The following TMEM132E variants were observed in gnomAD, a reference collection of about 807,000 sequenced individuals.
TMEM132E encodes the protein transmembrane protein 132E.
TMEM132E carries 49 observed loss-of-function variants against 78.5 expected under a neutral mutation model. The ratio of observed to expected loss-of-function variants is 0.62; its 90% CI spans 0.50 to 0.79. TMEM132E has a LOEUF of 0.79. Ranked by LOEUF, TMEM132E falls within the 30% of genes least tolerant of loss-of-function variation. The pLI is 0.00. For missense variants in TMEM132E, 1,403 were observed against 1,470.9 expected (o/e 0.95, Z 0.75); for synonymous variants, 715 against 670.6 (o/e 1.07, Z -1.02).
intron 1 of TMEM132E, among the ~76,000 whole-genome samples, chr17:34,623,977 C>A (rs1036496604): frequency 7.9e-5 from 12 of 152,178 alleles, no homozygotes; most frequent in Non-Finnish European, 1.6e-4. Flanking sequence ...CATTTCTTGC[C>A]GGTGATTTCC....
Position 34,634,788 on chromosome 17 carries a change from C to T in TMEM132E, c.1689-11C>T, listed in dbSNP as rs1450285716. 1.2e-6 allele frequency: 2 copies of T among 1,606,204 alleles called. No individual in the cohort carries two copies. The highest frequency in any genetic ancestry group is 2.2e-5 in the East Asian group (1 of 44,664). ...GTGAGAAGCCTTCAGCATGGCATGT[C>T]CCCACCCCAGGTCAGTCCGGGAAAG... On this transcript the variant is annotated splice_polypyrimidine_tract_variant and intron_variant, in intron 6 of 8. Transcript: ENST00000631683.
intron 1 of TMEM132E, among the ~76,000 whole-genome samples, chr17:34,623,412 C>CGT (rs1220242757): frequency 1.6e-4 from 24 of 147,296 alleles, no homozygotes; most frequent in Admixed American, 4.0e-4. Context: ...CCCCCCCCCC[C>CGT]CCCCGTCCCT....
At chr17:34,620,614 A>G (rs1187982358) in intron 1 of TMEM132E, among the ~76,000 whole-genome samples, 1 of 152,260 alleles carries the variant, frequency 6.6e-6, no homozygotes, top group Non-Finnish European at 1.5e-5. Context: ...TCATGGCCCC[A>G]GGGGAGCAAT....
chr17:34,629,720 C>A (rs760331439), intron 4 of TMEM132E, among the ~76,000 whole-genome samples: 5 of 152,144 alleles, frequency 3.3e-5, no homozygotes, highest in Non-Finnish European at 7.3e-5. Flanking sequence ...CCTGAGGAGC[C>A]TGGAAGCTGT....
chr17:34,634,870 C>T lies in TMEM132E; in HGVS notation c.1760C>T (p.Thr587Ile). ...CGGCAGAGTGCAAGCCGTGGCTGCA[C>T]CCTGCAGTACCAGCATGCCACCCTG... The part of the protein sequence containing the change: ...ERRQSASRGC[T>I]LQYQHATLQV... Residue 587 changes from threonine to isoleucine, a missense_variant, in exon 7 of 9, where the codon ACC (threonine) becomes ATC (isoleucine). By Grantham distance (89) the Thr-to-Ile change is moderately conservative. Coordinates refer to ENST00000631683, the MANE Select transcript of TMEM132E (RefSeq NM_001304438.2). 1.2e-6 allele frequency: 2 copies of T among 1,614,140 alleles called. No individual in the cohort carries two copies. The highest frequency in any genetic ancestry group is 1.7e-6 in the Non-Finnish European group (2 of 1,180,036).
At chr17:34,584,199 T>C (rs747325247) in intron 1 of TMEM132E, among the ~76,000 whole-genome samples, 1 of 152,246 alleles carries the variant, frequency 6.6e-6, no homozygotes, top group Non-Finnish European at 1.5e-5. Flanking sequence ...TCAAAGATAC[T>C]GGCCTCTCGC....
Position 34,617,062 on chromosome 17 carries a change from A to G in TMEM132E, c.68-9065A>G, listed in dbSNP as rs551232892. 2.6e-5 allele frequency among the ~76,000 whole-genome samples: 4 copies of G among 152,310 alleles called. No individual in the cohort carries two copies. In the South Asian group the frequency reaches 8.3e-4, roughly 32 times the overall value. ...CTGGTGCTTAGGGAAGGCAGTGTTC[A>G]GGGCCCACCGGGCCCAAGTCATCAC... On this transcript the variant is annotated intron_variant, in intron 1 of 8. Transcript: ENST00000631683.
intron 1 of TMEM132E, 56 bp downstream of exon 1, chr17:34,581,199 G>C (rs558636685): frequency 5.6e-6 from 8 of 1,435,246 alleles, no homozygotes; most frequent in Non-Finnish European, 5.5e-6. Flanking sequence ...ACTGGAGGGG[G>C]TACGGGGAAG....
At chr17:34,631,884 G>A (rs372937881) in intron 5 of TMEM132E, among the ~76,000 whole-genome samples, 77 of 152,364 alleles carry the variant, frequency 5.1e-4, no homozygotes, top group African/African-American at 1.6e-3. Context: ...AGGTGTGTGC[G>A]TGGGCATATT....
rs375624936 is a variant in TMEM132E, at chr17:34,629,989, C to T, written c.1339-19C>T. 1.9e-6 allele frequency: 3 copies of T among 1,588,912 alleles called. No individual in the cohort carries two copies. Among genetic ancestry groups the T allele is most frequent in the East Asian group, 2.3e-5 (1 of 44,120 alleles). ...AGAAGGGGACCACAAGTAGAGCCCCCCCCTTCTCCTCCCTGCAGGACACAG... is the reference window on the plus strand; with the variant it reads ...AGAAGGGGACCACAAGTAGAGCCCCTCCCTTCTCCTCCCTGCAGGACACAG... On this transcript the variant is annotated intron_variant, in intron 4 of 8. Coordinates refer to ENST00000631683, the MANE Select transcript of TMEM132E (RefSeq NM_001304438.2).
Position 34,580,323 on chromosome 17 carries a change from G to A in TMEM132E, c.-754G>A, listed in dbSNP as rs1905419031. 6.6e-6 allele frequency: 1 copy of A among 152,444 alleles called. No individual in the cohort carries two copies. 9.4% of individuals were successfully genotyped at this position (152,444 alleles called of 1,614,324 possible). Reference sequence around the variant, plus strand: ...CGGCTGCCTGGGCAGGAGGCGCTGAGCCGGCCTGTGTGGAGCCTGGGCCCT... The same window carrying A: ...CGGCTGCCTGGGCAGGAGGCGCTGAACCGGCCTGTGTGGAGCCTGGGCCCT... On this transcript the variant is annotated 5_prime_UTR_variant, in exon 1 of 9. Coordinates refer to ENST00000631683, the MANE Select transcript of TMEM132E (RefSeq NM_001304438.2).
intron 1 of TMEM132E, among the ~76,000 whole-genome samples, chr17:34,620,772 G>A (rs753992292): frequency 2.0e-5 from 3 of 152,242 alleles, no homozygotes; most frequent in South Asian, 2.1e-4. Context: ...GATGGTGGCC[G>A]TGAGAGGTAT....
chr17:34,627,467 C>CGTGTGTGTGTGT (rs145658598), intron 2 of TMEM132E, among the ~76,000 whole-genome samples: 7,508 of 126,396 alleles, frequency 0.059, 371 homozygotes, highest in Non-Finnish European at 0.067. Flanking sequence ...CCAAAAGAAT[C>CGTGTGTGTGTGT]GTGTGTGTGT....
At chr17:34,581,660 C>G (rs1280661074) in intron 1 of TMEM132E, among the ~76,000 whole-genome samples, 1 of 151,730 alleles carries the variant, frequency 6.6e-6, no homozygotes, top group African/African-American at 2.4e-5. Flanking sequence ...GGGGAGCCGC[C>G]GCGGCTCGCA....
chr17:34,591,340 T>A (rs1476115434), intron 1 of TMEM132E, among the ~76,000 whole-genome samples: 1 of 150,744 alleles, frequency 6.6e-6, no homozygotes, highest in African/African-American at 2.4e-5. Flanking sequence ...AGTCTTGCTC[T>A]GTCACCCAGG....
intron 6 of TMEM132E, among the ~76,000 whole-genome samples, 165 bp from the exon 7 acceptor site, chr17:34,634,634 C>T (rs1201562105): frequency 6.6e-6 from 1 of 152,158 alleles, no homozygotes; most frequent in Non-Finnish European, 1.5e-5. Context: ...GGCTGGGACT[C>T]CTGGTTCCCA....
intron 1 of TMEM132E, among the ~76,000 whole-genome samples, chr17:34,609,154 G>A (rs1279356663): frequency 2.0e-5 from 3 of 152,220 alleles, no homozygotes; most frequent in East Asian, 3.9e-4. Context: ...CATGTTTTGA[G>A]TATGGAGTCT....
At chr17:34,620,904 G>A (rs1225162270) in intron 1 of TMEM132E, among the ~76,000 whole-genome samples, 1 of 152,240 alleles carries the variant, frequency 6.6e-6, no homozygotes, top group African/African-American at 2.4e-5. Flanking sequence ...CCCTCCTGCA[G>A]AGCTGGTGAA....
In TMEM132E at chr17:34,637,828, G is replaced by A. The variant is rs539661432; in HGVS notation, c.2821G>A (p.Gly941Arg). 8.1e-6 allele frequency: 13 copies of A among 1,611,204 alleles called. No homozygotes were observed. The highest frequency in any genetic ancestry group is 6.7e-5 in the African/African-American group (5 of 75,000). Residue 941 changes from glycine (G) to arginine (R), a missense_variant, in exon 9 of 9, where the codon GGG becomes AGG. Transcript: ENST00000631683. The stretch of plus-strand genomic sequence containing the variant: ...TCACCACTGGGTGTTCCTGGGCAAC[G>A]GGCAGCCGCTGCGGGTGCAAGGAGA... ...HSHHWVFLGN[G>R]QPLRVQGELS...
Sources: allele counts gnomAD v4.1 joint callset (sites outside exome capture counted in the v4.1 genomes callset), GRCh38; gene constraint gnomAD v4.1.1; transcripts MANE v1.5; gene names NCBI Gene and HGNC (gene_info 2026-07-23, HGNC 2026-07-21).